Variants in ARHGAP32 observed in about 807,000 individuals in gnomAD.
ARHGAP32 encodes the protein Rho GTPase activating protein 32, also known as rho GTPase-activating protein 32.
A neutral mutation model predicts 186.5 loss-of-function variants in ARHGAP32; 51 were observed. The ratio of observed to expected loss-of-function variants is 0.27; its 90% CI spans 0.22 to 0.35. ARHGAP32 has a LOEUF of 0.35. Among genes scored for constraint, ARHGAP32 ranks in the 10% least tolerant of loss-of-function variants. The pLI, the probability that ARHGAP32 is intolerant of heterozygous loss-of-function variation, is 1.00. For missense variants in ARHGAP32, 2,186 were observed against 2,623.5 expected (o/e 0.83, Z 3.64); for synonymous variants, 950 against 964.3 (o/e 0.99, Z 0.27).
intron 1 of ARHGAP32, among the ~76,000 whole-genome samples, chr11:129,199,565 G>A (rs1418226175): frequency 1.3e-5 from 2 of 152,272 alleles, no homozygotes; most frequent in Non-Finnish European, 2.9e-5. Flanking sequence ...GCCTGCAGGT[G>A]CACAAAAGTT....
chr11:129,042,397 A>AT (rs1418456769), intron 10 of ARHGAP32, among the ~76,000 whole-genome samples: 1 of 152,196 alleles, frequency 6.6e-6, no homozygotes, highest in Non-Finnish European at 1.5e-5. Flanking sequence ...TGGGATTCCT[A>AT]TGCACTGCCT....
chr11:129,051,562 C>A, intron 10 of ARHGAP32, among the ~76,000 whole-genome samples: 1 of 152,192 alleles, frequency 6.6e-6, no homozygotes, highest in East Asian at 1.9e-4. Flanking sequence ...ATGAATTGTT[C>A]TTCTGACGTC....
intron 15 of ARHGAP32, among the ~76,000 whole-genome samples, chr11:128,984,939 T>TA (rs1363322608): frequency 5.9e-5 from 9 of 152,340 alleles, no homozygotes; most frequent in Admixed American, 5.2e-4. Context: ...TGTATACAGA[T>TA]AGTCTCCAAC....
Position 129,210,159 on chromosome 11 carries a change from G to T in ARHGAP32, c.-4-45732C>A, listed in dbSNP as rs557500628. 2.6e-5 allele frequency among the ~76,000 whole-genome samples: 4 copies of T among 152,286 alleles called. No homozygotes were observed. The East Asian group carries it at 7.7e-4, about 29-fold the overall frequency. On this transcript the variant is annotated intron_variant, in intron 1 of 6. Coordinates refer to the ARHGAP32 transcript ENST00000525234. Reference sequence around the variant, plus strand: ...TGGCTACGACTGCTGAAAAGAATGAGAAGCCAGAGAAGCATTCATGTCAGA... The same window carrying T: ...TGGCTACGACTGCTGAAAAGAATGATAAGCCAGAGAAGCATTCATGTCAGA...
At chr11:129,242,978 A>C (rs1164555430) in intron 1 of ARHGAP32, among the ~76,000 whole-genome samples, 1 of 152,144 alleles carries the variant, frequency 6.6e-6, no homozygotes, top group Non-Finnish European at 1.5e-5. Context: ...CAATGGCTTC[A>C]TCTACCACCT....
In ARHGAP32 at chr11:128,969,278, C is replaced by T. The variant is rs1945290343; in HGVS notation, c.5935G>A (p.Asp1979Asn). 2.5e-6 allele frequency: 4 copies of T among 1,614,098 alleles called. No individual in the cohort carries two copies. The highest frequency in any genetic ancestry group is 3.4e-6 in the Non-Finnish European group (4 of 1,180,054). ...AGGTGTTCTTCCTCCTTGTAGCAGTCTCTGGAGTGTTTCTCTGGGGCAGAA... is the reference window on the plus strand; with the variant it reads ...AGGTGTTCTTCCTCCTTGTAGCAGTTTCTGGAGTGTTTCTCTGGGGCAGAA... ...QPSAPEKHSRDCYKEEEHLTQ... is the reference protein window; with the variant it reads ...QPSAPEKHSRNCYKEEEHLTQ... The change falls in exon 23 of 23, where the codon GAC (aspartate) becomes AAC (asparagine). Residue 1979 changes from aspartate (D) to asparagine (N), a missense_variant. Asp to Asn is a conservative substitution (Grantham distance 23). Around this residue, in one of 5 missense-constraint regions of ARHGAP32, gnomAD observed 1,502 missense variants for 1,570.0 expected, o/e 0.96. Coordinates refer to ENST00000682385, the MANE Select transcript of ARHGAP32 (RefSeq NM_001378024.1). The surrounding 1 kb of genome is among the most constrained non-coding windows in gnomAD (Gnocchi z 4.8).
chr11:129,173,928 G>C (rs1284317851), intron 1 of ARHGAP32, among the ~76,000 whole-genome samples: 1 of 152,110 alleles, frequency 6.6e-6, no homozygotes, highest in Non-Finnish European at 1.5e-5. Flanking sequence ...AATTGGAAAA[G>C]AAAGAGGAGC....
chr11:128,972,726 G>A lies in ARHGAP32; in HGVS notation c.3780C>T (p.Tyr1260=), dbSNP rs1945419533. Residue 1260 remains tyrosine, a synonymous_variant, in exon 22 of 23, where the codon TAC becomes TAT. Coordinates refer to ENST00000682385, the MANE Select transcript of ARHGAP32 (RefSeq NM_001378024.1). ...TCTCTTCGGGGGACCCAGAAGGAGG[G>A]TAGATTTTATCGCTAGGTAAATTAG... The part of the protein sequence containing the change: ...TPPNLPSDKI[Y]PPSGSPEENT... 2 of 1,614,018 alleles carry A rather than the reference G, an allele frequency of 1.2e-6. No individual in the cohort carries two copies. Among genetic ancestry groups the A allele is most frequent in the Non-Finnish European group, 1.7e-6 (2 of 1,180,006 alleles).
At chr11:129,248,212 C>CAAAAAA in intron 1 of ARHGAP32, among the ~76,000 whole-genome samples, 1 of 122,006 alleles carries the variant, frequency 8.2e-6, no homozygotes, top group Non-Finnish European at 1.7e-5. Flanking sequence ...TTGGCTGTCT[C>CAAAAAA]AAAAAAAAAA....
At chr11:128,983,354 T>A (rs185471479) in intron 15 of ARHGAP32, among the ~76,000 whole-genome samples, 13 of 152,186 alleles carry the variant, frequency 8.5e-5, no homozygotes, top group Admixed American at 2.6e-4. Context: ...GGGTATGACA[T>A]AGAGGTGAGA....
intron 1 of ARHGAP32, among the ~76,000 whole-genome samples, chr11:129,222,669 C>T (rs1944727522): frequency 6.6e-6 from 1 of 152,178 alleles, no homozygotes; most frequent in African/African-American, 2.4e-5. Flanking sequence ...TTCTCATTCA[C>T]AACCTACTTT....
chr11:129,227,362 CG>C (rs1203257246), intron 1 of ARHGAP32, among the ~76,000 whole-genome samples: 2 of 151,508 alleles, frequency 1.3e-5, no homozygotes, highest in Non-Finnish European at 2.9e-5. Flanking sequence ...GAAAAAATTA[CG>C]TAAGACATAG....
chr11:129,012,562 C>A (rs1309577724), intron 11 of ARHGAP32, among the ~76,000 whole-genome samples: 1 of 152,112 alleles, frequency 6.6e-6, no homozygotes, highest in African/African-American at 2.4e-5. Flanking sequence ...TCACAGAAAG[C>A]AAGGGGATGC....
intron 13 of ARHGAP32, among the ~76,000 whole-genome samples, chr11:128,987,297 C>T (rs145621589): frequency 6.6e-6 from 1 of 152,246 alleles, no homozygotes; most frequent in East Asian, 1.9e-4. Flanking sequence ...TTATCATCTA[C>T]CTAGAGGATT....
intron 6 of ARHGAP32, among the ~76,000 whole-genome samples, chr11:129,082,760 T>C (rs1941257264): frequency 6.7e-6 from 1 of 149,580 alleles, no homozygotes; most frequent in Non-Finnish European, 1.5e-5. Flanking sequence ...AGACTTAAAC[T>C]AAAAATCTTC....
intron 11 of ARHGAP32, among the ~76,000 whole-genome samples, chr11:129,037,069 CAAT>C (rs1343323139): frequency 6.6e-6 from 1 of 151,810 alleles, no homozygotes; most frequent in African/African-American, 2.4e-5. Context: ...TTGCCATGAA[CAAT>C]AAGAAAATGA....
intron 1 of ARHGAP32, among the ~76,000 whole-genome samples, chr11:129,228,733 A>G (rs1479112206): frequency 6.6e-6 from 1 of 152,132 alleles, no homozygotes; most frequent in East Asian, 1.9e-4. Flanking sequence ...GAGAGCATCA[A>G]GATAAGTAGC....
intron 1 of ARHGAP32, among the ~76,000 whole-genome samples, chr11:129,256,389 T>A (rs1945254801): frequency 6.6e-6 from 1 of 152,142 alleles, no homozygotes; most frequent in South Asian, 2.1e-4. Context: ...CCTTGACCAA[T>A]CCAAATGACC....
At chr11:129,023,770 G>T in intron 11 of ARHGAP32, 1 of 462,756 alleles carries the variant, frequency 2.2e-6, no homozygotes, top group Non-Finnish European at 2.8e-6. Flanking sequence ...GGTAACATGT[G>T]CCCAAATATA....
Sources: gnomAD v4.1 joint callset for allele counts (sites outside exome capture counted in the v4.1 genomes callset) on GRCh38, gnomAD v4.1.1 for gene constraint, gnomAD v4.1.1 regional missense constraint, Gnocchi (gnomAD v3.1) non-coding constraint, MANE v1.5 for transcripts, NCBI Gene and HGNC (gene_info 2026-07-23, HGNC 2026-07-21) for gene names.